RANBP3L: variants seen among roughly 807,000 people sequenced by gnomAD.
RANBP3L encodes the protein ran-binding protein 3-like.
Under a neutral mutation model 67.2 loss-of-function variants are expected in RANBP3L, and 56 were observed. That is an observed-to-expected ratio of 0.83 (90% CI 0.67 to 1.04). The LOEUF is 1.04. Ranked by LOEUF, RANBP3L falls within the 50% of genes least tolerant of loss-of-function variation. The probability of loss-of-function intolerance (pLI) is 0.00; values close to 1 mark genes in which losing one functional copy is unlikely to be tolerated. For missense variants in RANBP3L, 496 were observed against 535.5 expected (o/e 0.93, Z 0.73); for synonymous variants, 164 against 181.4 (o/e 0.90, Z 0.77).
At position 36,273,599 on chromosome 5, in the gene RANBP3L, A is replaced by G. The variant is rs1750376491; in HGVS notation, c.92-2288T>C. Among the ~76,000 whole-genome samples, 7 of 152,112 alleles carry G rather than the reference A, an allele frequency of 4.6e-5. No homozygotes were observed. In the South Asian group the frequency reaches 1.0e-3, roughly 23 times the overall value. Reference sequence around the variant, plus strand: ...ACCTAGATGCTCTCCCCTTCTCCCAAACAATTCTCTTAGCTCCAAAGACTG... The same window carrying G: ...ACCTAGATGCTCTCCCCTTCTCCCAGACAATTCTCTTAGCTCCAAAGACTG... On this transcript the variant is annotated intron_variant, in intron 1 of 13. Transcript: ENST00000296604.
At chr5:36,253,901 AC>A in intron 11 of RANBP3L, 112 bp from the exon 12 acceptor site, 1 of 1,005,728 alleles carries the variant, frequency 9.9e-7, no homozygotes, top group Non-Finnish European at 1.4e-6. Flanking sequence ...TAGATTCAAT[AC>A]TAACTTGTGA....
At position 36,247,290 on chromosome 5, in the gene RANBP3L, A is replaced by G. The variant is rs894722596; in HGVS notation, c.*2364T>C. Among the ~76,000 whole-genome samples, 4 of 152,254 alleles carry G rather than the reference A, an allele frequency of 2.6e-5. No individual in the cohort carries two copies. The highest frequency in any genetic ancestry group is 1.9e-4 in the East Asian group (1 of 5,204). On this transcript the variant is annotated 3_prime_UTR_variant, in exon 14 of 14. Transcript: ENST00000296604. Reference sequence around the variant, plus strand: ...TCTAAGAAAGAATAATGGAGTGTATAGAAAATGGGTTGAAAGAGTTGTGAG... The same window carrying G: ...TCTAAGAAAGAATAATGGAGTGTATGGAAAATGGGTTGAAAGAGTTGTGAG...
In RANBP3L at chr5:36,248,479, T is replaced by A. The variant is rs970539348; in HGVS notation, c.*1175A>T. On this transcript the variant is annotated 3_prime_UTR_variant, in exon 14 of 14. Transcript: ENST00000296604. ...TATATTTTTATTATTTTATAACAGG[T>A]ATGGTAACACAGTAATATAACTTTT... The A allele has an allele frequency of 1.3e-5, 2 of 152,194 alleles. No individual in the cohort carries two copies. The highest frequency in any genetic ancestry group is 4.8e-5 in the African/African-American group (2 of 41,470). 9.4% of individuals were successfully genotyped at this position (152,194 alleles called of 1,614,324 possible). A position where few individuals can be genotyped will look rare whatever the true frequency, so the allele number is the denominator to read the frequency against.
rs367680264 is a variant in RANBP3L, at chr5:36,263,370, G to T, written c.481-1328C>A. On this transcript the variant is annotated intron_variant, in intron 6 of 13. Transcript: ENST00000296604. ...TAAATTTTATTTTAAAATATGCAATGCAATATTTACAAAAATTCTGCCAAG... is the reference window on the plus strand; with the variant it reads ...TAAATTTTATTTTAAAATATGCAATTCAATATTTACAAAAATTCTGCCAAG... Among the ~76,000 whole-genome samples the T allele has an allele frequency of 2.6e-5, 4 of 152,098 alleles. No homozygotes were observed. The East Asian group carries it at 5.8e-4, about 22-fold the overall frequency.
intron 1 of RANBP3L, among the ~76,000 whole-genome samples, chr5:36,275,568 G>A (rs1750514996): frequency 1.3e-5 from 2 of 151,984 alleles, no homozygotes; most frequent in African/African-American, 4.8e-5. Flanking sequence ...CGTGAACTTC[G>A]ACTCCCTCCT....
chr5:36,266,085 T>G (rs1226230977), intron 4 of RANBP3L, among the ~76,000 whole-genome samples: 1 of 151,978 alleles, frequency 6.6e-6, no homozygotes, highest in Admixed American at 6.6e-5. Flanking sequence ...GAAAAGGCAG[T>G]CTTTTTTTTG....
At position 36,271,238 on chromosome 5, in the gene RANBP3L, A is replaced by T; in HGVS notation, c.150+15T>A. ...TTGTCAAAGTAAAATTGAACAAAGA[A>T]GTAGTCAATCTTACCTTAAAAGTTT... On this transcript the variant is annotated intron_variant, in intron 2 of 13. Coordinates refer to ENST00000296604, the MANE Select transcript of RANBP3L (RefSeq NM_145000.5). The T allele has an allele frequency of 7.3e-7, 1 of 1,367,714 alleles. No individual in the cohort carries two copies. The highest frequency in any genetic ancestry group is 1.0e-6 in the Non-Finnish European group (1 of 958,024). The allele number at this position is 1,367,714 out of a possible 1,614,324, so 84.7% of individuals were successfully genotyped here. A position where few individuals can be genotyped will look rare whatever the true frequency, so the allele number is the denominator to read the frequency against.
At chr5:36,271,808 A>G (rs1750236027) in intron 1 of RANBP3L, among the ~76,000 whole-genome samples, 1 of 152,218 alleles carries the variant, frequency 6.6e-6, no homozygotes, top group African/African-American at 2.4e-5. Flanking sequence ...CTTTATTTTT[A>G]ATATTTAGAT....
At position 36,247,403 on chromosome 5, in the gene RANBP3L, C is replaced by T. The variant is rs1341748820; in HGVS notation, c.*2251G>A. ...TTGCCTTGCTGATATTCTAACCCTA[C>T]ATTTGGTTTTGTTGCACTGGCATTT... is the stretch of plus-strand genomic sequence containing the variant. On this transcript the variant is annotated 3_prime_UTR_variant, in exon 14 of 14. Coordinates refer to ENST00000296604, the MANE Select transcript of RANBP3L (RefSeq NM_145000.5). 6.6e-6 allele frequency among the ~76,000 whole-genome samples: 1 copy of T among 152,122 alleles called. No individual in the cohort carries two copies.
chr5:36,297,443 ACACG>A (rs902691636), intron 1 of RANBP3L, among the ~76,000 whole-genome samples: 75 of 150,576 alleles, frequency 5.0e-4, no homozygotes, highest in African/African-American at 9.5e-4. Context: ...ACACACACAC[ACACG>A]CACACACACA....
At chr5:36,250,395 G>A (rs891653023) in intron 13 of RANBP3L, among the ~76,000 whole-genome samples, 5 of 151,918 alleles carry the variant, frequency 3.3e-5, no homozygotes, top group Non-Finnish European at 5.9e-5. Context: ...TGCATGTTTT[G>A]TGTATTTTTC....
intron 9 of RANBP3L, 21 bp downstream of exon 9, chr5:36,257,433 T>C (rs1220128234): frequency 8.3e-7 from 1 of 1,209,416 alleles, no homozygotes; most frequent in Non-Finnish European, 1.2e-6. Flanking sequence ...TCTAATGTTT[T>C]ACAAATGAAA....
At chr5:36,251,207 T>G in intron 13 of RANBP3L, 106 bp downstream of exon 13, 1 of 920,194 alleles carries the variant, frequency 1.1e-6, no homozygotes, top group Non-Finnish European at 1.6e-6. Context: ...CACCACTAAC[T>G]TTAAACAGAG....
Position 36,251,479 on chromosome 5 carries a change from T to C in RANBP3L, c.1188A>G (p.Ala396=), listed in dbSNP as rs1449162451. The change falls in exon 13 of 14, where the codon GCA becomes GCG. Residue 396 remains alanine (A), a synonymous_variant. Coordinates refer to ENST00000296604, the MANE Select transcript of RANBP3L (RefSeq NM_145000.5). ...GATGATGTATTGCTGCATACAAATA[T>C]GCTGTATCTTGGGCACTGGCCTGCA... is the stretch of plus-strand genomic sequence containing the variant. ...FLIQASAQDT[A]YLYAAIHHRL... The C allele has an allele frequency of 6.2e-7, 1 of 1,611,102 alleles. No homozygotes were observed. The highest frequency in any genetic ancestry group is 2.2e-5 in the East Asian group (1 of 44,820).
intron 4 of RANBP3L, 76 bp downstream of exon 4, chr5:36,269,314 T>C: frequency 1.1e-6 from 1 of 883,452 alleles, no homozygotes; most frequent in East Asian, 2.4e-5. Context: ...ACATTACCCT[T>C]TTGAAAAGTT....
At chr5:36,287,090 A>T (rs62888560) in intron 1 of RANBP3L, among the ~76,000 whole-genome samples, 1 of 151,980 alleles carries the variant, frequency 6.6e-6, no homozygotes, top group Non-Finnish European at 1.5e-5. Context: ...GCCCCGCCTC[A>T]GATCATCAGA....
chr5:36,259,936 C>T (rs377033407), intron 8 of RANBP3L, among the ~76,000 whole-genome samples: 127 of 152,196 alleles, frequency 8.3e-4, no homozygotes, highest in African/African-American at 2.6e-3. Context: ...ATGGTAATAA[C>T]GTGAGGGGTT....
intron 12 of RANBP3L, 31 bp downstream of exon 12, chr5:36,253,616 T>C: frequency 6.5e-7 from 1 of 1,535,626 alleles, no homozygotes; most frequent in Non-Finnish European, 9.0e-7. Flanking sequence ...TTTAGTAGGA[T>C]AATCTTCTAT....
At chr5:36,287,093 T>C (rs1751379440) in intron 1 of RANBP3L, among the ~76,000 whole-genome samples, 1 of 152,154 alleles carries the variant, frequency 6.6e-6, no homozygotes, top group Non-Finnish European at 1.5e-5. Flanking sequence ...CCGCCTCAGA[T>C]CATCAGACAT....
Sources: allele counts gnomAD v4.1 joint callset (sites outside exome capture counted in the v4.1 genomes callset), GRCh38; gene constraint gnomAD v4.1.1; transcripts MANE v1.5; gene names NCBI Gene and HGNC (gene_info 2026-07-23, HGNC 2026-07-21).